HEPACAM2: variants seen among roughly 807,000 people sequenced by gnomAD.
HEPACAM2 encodes the protein HEPACAM family member 2, also known as mitotic kinetics regulator.
HEPACAM2 carries 49 observed loss-of-function variants against 49.6 expected under a neutral mutation model. The ratio of observed to expected loss-of-function variants is 0.99; its 90% CI spans 0.78 to 1.25. The LOEUF (loss-of-function observed/expected upper bound fraction) is 1.25, where lower values mean the gene tolerates loss of function less well. Ranked by LOEUF, HEPACAM2 falls within the 50% of genes most tolerant of loss-of-function variation. The pLI, the probability that HEPACAM2 is intolerant of heterozygous loss-of-function variation, is 0.00. For missense variants in HEPACAM2, 525 were observed against 557.2 expected, an observed-to-expected ratio of 0.94 and a Z score of 0.58; for synonymous variants, 197 against 202.9, an observed-to-expected ratio of 0.97 and a Z score of 0.25.
chr7:93,203,175 A>G (rs10272594), intron 4 of HEPACAM2, among the ~76,000 whole-genome samples: 268 of 152,196 alleles, frequency 1.8e-3, no homozygotes, highest in African/African-American at 6.3e-3. Context: ...GAATAGGGAC[A>G]ATCCTTTTCT....
upstream of HEPACAM2, among the ~76,000 whole-genome samples, chr7:93,228,585 T>C (rs545529669): frequency 1.3e-5 from 2 of 152,302 alleles, no homozygotes; most frequent in African/African-American, 4.8e-5. Flanking sequence ...TTTATAATTA[T>C]AAGAATTTTC....
the HEPACAM2 span, among the ~76,000 whole-genome samples, chr7:93,231,757 G>A: frequency 6.6e-6 from 1 of 152,188 alleles, no homozygotes; most frequent in Non-Finnish European, 1.5e-5. Flanking sequence ...TTTAGAGTAC[G>A]GAGGTAAAAT....
At chr7:93,190,115 T>C (rs890096491) in intron 9 of HEPACAM2, among the ~76,000 whole-genome samples, 2 of 152,026 alleles carry the variant, frequency 1.3e-5, no homozygotes, top group African/African-American at 2.4e-5. Context: ...CTCTAGCGCA[T>C]AGTAAATGTC....
intron 4 of HEPACAM2, among the ~76,000 whole-genome samples, chr7:93,204,725 T>C (rs1161310512): frequency 1.3e-5 from 2 of 152,124 alleles, no homozygotes; most frequent in African/African-American, 2.4e-5. Flanking sequence ...AGTGACCCTA[T>C]ACCTACCTTT....
At chr7:93,221,490 G>A (rs965280569) in intron 1 of HEPACAM2, among the ~76,000 whole-genome samples, 1 of 152,164 alleles carries the variant, frequency 6.6e-6, no homozygotes, top group Non-Finnish European at 1.5e-5. Flanking sequence ...CTGTTCCTAT[G>A]AGGAATCCAG....
At chr7:93,217,876 C>CTGTGTGTG (rs138044928) in intron 2 of HEPACAM2, among the ~76,000 whole-genome samples, 27 of 140,188 alleles carry the variant, frequency 1.9e-4, no homozygotes, top group Non-Finnish European at 2.7e-4. Context: ...GCATGTGTGT[C>CTGTGTGTG]TGTGTGTGTG....
chr7:93,231,839 C>T, the HEPACAM2 span, among the ~76,000 whole-genome samples: 1 of 152,226 alleles, frequency 6.6e-6, no homozygotes, highest in Admixed American at 6.5e-5. Context: ...TAGAACAGCC[C>T]TAAACCTGGA....
chr7:93,192,356 C>T lies in HEPACAM2; in HGVS notation c.1283G>A (p.Ser428Asn). The change falls in exon 9 of 10, where the codon AGC becomes AAC. Residue 428 changes from serine to asparagine, a missense_variant. Physicochemically the swap from Ser to Asn is conservative, Grantham distance 46. Transcript: ENST00000394468. Reference sequence around the variant, plus strand: ...ACAATCAGAGGCTGGAACAGACCTGCTTGGGATCTAGAAAATGTGATACAT... The same window carrying T: ...ACAATCAGAGGCTGGAACAGACCTGTTTGGGATCTAGAAAATGTGATACAT... ...PDVSGVSRIP[S>N]RSVPASDCVS... is the part of the protein sequence containing the mutation. 1.2e-6 allele frequency: 2 copies of T among 1,609,910 alleles called. No homozygotes were observed.
chr7:93,196,278 T>C (rs1284232525), intron 7 of HEPACAM2, among the ~76,000 whole-genome samples: 1 of 152,172 alleles, frequency 6.6e-6, no homozygotes, highest in Non-Finnish European at 1.5e-5. Context: ...TACTGCACCC[T>C]GTTAGATCTA....
upstream of HEPACAM2, among the ~76,000 whole-genome samples, chr7:93,226,985 T>G (rs1403426460): frequency 1.3e-5 from 2 of 152,206 alleles, no homozygotes; most frequent in African/African-American, 4.8e-5. Flanking sequence ...TTAAAACGTA[T>G]TTTTTCTATG....
intron 4 of HEPACAM2, among the ~76,000 whole-genome samples, chr7:93,201,957 C>T (rs531089979): frequency 4.9e-4 from 69 of 141,244 alleles, no homozygotes; most frequent in Admixed American, 4.4e-3. Flanking sequence ...TACTTCACTG[C>T]GGTTGTCAAT....
chr7:93,188,799 G>A lies in HEPACAM2; in HGVS notation c.*468C>T. ...AAGATAGAAATTTGGAAATAAAATT[G>A]AAACATAAATTTAGCATTCTTAACA... On this transcript the variant is annotated 3_prime_UTR_variant, in exon 10 of 10. Coordinates refer to ENST00000394468, the MANE Select transcript of HEPACAM2 (RefSeq NM_001039372.4). 1 of 380,840 alleles carries A rather than the reference G, an allele frequency of 2.6e-6. No homozygotes were observed. The highest frequency in any genetic ancestry group is 4.7e-6 in the Non-Finnish European group (1 of 214,826). 23.6% of individuals were successfully genotyped at this position (380,840 alleles called of 1,614,324 possible).
chr7:93,200,246 C>T (rs1793848056), intron 4 of HEPACAM2, among the ~76,000 whole-genome samples: 1 of 152,002 alleles, frequency 6.6e-6, no homozygotes, highest in African/African-American at 2.4e-5. Context: ...TTATTAGGTG[C>T]ACTTCCTAAT....
intron 1 of HEPACAM2, 61 bp downstream of exon 1, chr7:93,226,307 T>A (rs1212273185): frequency 4.4e-5 from 53 of 1,216,392 alleles, no homozygotes; most frequent in Non-Finnish European, 6.0e-5. Context: ...TTACCTTATG[T>A]CCACAATTAA....
chr7:93,204,125 A>G (rs1295958732), intron 4 of HEPACAM2, among the ~76,000 whole-genome samples: 1 of 152,152 alleles, frequency 6.6e-6, no homozygotes, highest in African/African-American at 2.4e-5. Context: ...TCTCTTCTTT[A>G]AGAAAAGTTG....
At chr7:93,224,439 G>A (rs1286419152) in intron 1 of HEPACAM2, among the ~76,000 whole-genome samples, 1 of 151,952 alleles carries the variant, frequency 6.6e-6, no homozygotes, top group Non-Finnish European at 1.5e-5. Context: ...TTATAGTTCT[G>A]TTAAAAAAAT....
At chr7:93,210,832 T>C (rs1471683272) in intron 3 of HEPACAM2, among the ~76,000 whole-genome samples, 1 of 152,004 alleles carries the variant, frequency 6.6e-6, no homozygotes, top group Non-Finnish European at 1.5e-5. Flanking sequence ...TAGGCATTCT[T>C]TAGAAGTCAT....
At chr7:93,225,045 T>A (rs1794514624) in intron 1 of HEPACAM2, among the ~76,000 whole-genome samples, 1 of 152,204 alleles carries the variant, frequency 6.6e-6, no homozygotes, top group South Asian at 2.1e-4. Context: ...TAGCTATTTA[T>A]GAACATGCTA....
rs1200483875 is a variant in HEPACAM2 at position 93,215,424 on chromosome 7, T to C, written c.692A>G (p.Asp231Gly). 3 of 1,613,666 alleles carry C rather than the reference T, an allele frequency of 1.9e-6. No individual in the cohort carries two copies. The South Asian group carries it at 3.3e-5, about 18-fold the overall frequency. ...VRNPVSEMES[D>G]IIMPIIYYGP... The stretch of plus-strand genomic sequence containing the variant: ...ACAATATATGATGGGCATAATGATA[T>C]CACTTTCCATTTCACTGACAGGGTT... Residue 231 changes from aspartate to glycine, a missense_variant, in exon 3 of 10, where the codon GAT becomes GGT. Physicochemically the swap from Asp to Gly is moderately conservative, Grantham distance 94. Coordinates refer to ENST00000394468, the MANE Select transcript of HEPACAM2 (RefSeq NM_001039372.4).
Sources: gnomAD v4.1 joint callset for allele counts (sites outside exome capture counted in the v4.1 genomes callset) on GRCh38, gnomAD v4.1.1 for gene constraint, MANE v1.5 for transcripts, NCBI Gene and HGNC (gene_info 2026-07-23, HGNC 2026-07-21) for gene names.